Variants in PDE1C observed in about 807,000 individuals in gnomAD.
The protein encoded by PDE1C is dual specificity calcium/calmodulin-dependent 3',5'-cyclic nucleotide phosphodiesterase 1C.
A neutral mutation model predicts 93.1 loss-of-function variants in PDE1C; 62 were observed. The ratio of observed to expected loss-of-function variants is 0.67; its 90% CI spans 0.54 to 0.82. PDE1C has a LOEUF of 0.82. Among genes scored for constraint, PDE1C ranks in the 40% least tolerant of loss-of-function variants. The pLI is 0.00. For missense variants in PDE1C, 742 were observed against 884.6 expected (o/e 0.84, Z 2.04); for synonymous variants, 325 against 310.1 (o/e 1.05, Z -0.50).
At chr7:32,387,669 G>T (rs1253331418) in intron 1 of PDE1C, among the ~76,000 whole-genome samples, 1 of 131,962 alleles carries the variant, frequency 7.6e-6, no homozygotes, top group African/African-American at 2.9e-5. Flanking sequence ...GCGGCTGGCC[G>T]GGCGGGGGGC....
chr7:32,203,377 C>T (rs79471396), intron 2 of PDE1C, among the ~76,000 whole-genome samples: 7,738 of 152,208 alleles, frequency 0.051, 264 homozygotes, highest in Middle Eastern at 0.085. Context: ...GGGCTCCATA[C>T]ATGGCATCAC....
the PDE1C span, among the ~76,000 whole-genome samples, chr7:31,743,360 G>A: frequency 2.0e-5 from 3 of 152,128 alleles, no homozygotes; most frequent in East Asian, 1.9e-4. Context: ...CTTTGCTCCC[G>A]CTCTTCCCCC....
chr7:32,186,648 GTAAT>G (rs933670717), intron 2 of PDE1C, among the ~76,000 whole-genome samples: 3 of 151,824 alleles, frequency 2.0e-5, no homozygotes, highest in African/African-American at 7.2e-5. Flanking sequence ...TACATAATAT[GTAAT>G]TAATTAATGT....
Position 32,403,466 on chromosome 7 carries a change from G to A in PDE1C, c.310+24356C>T, listed in dbSNP as rs115560652. On this transcript the variant is annotated intron_variant, in intron 1 of 1. Coordinates refer to the PDE1C transcript ENST00000672256. ...ACATTGGATCCTGGGCAGTGAGAGC[G>A]GGCAGGGTGTATGTTAAGGCTTGAA... Among the ~76,000 whole-genome samples, 329 of 152,200 alleles carry A rather than the reference G, an allele frequency of 2.2e-3. 2 individuals carry two copies. The highest frequency in any genetic ancestry group is 7.3e-3 in the African/African-American group (303 of 41,504).
upstream of PDE1C, among the ~76,000 whole-genome samples, chr7:32,302,650 A>G (rs1454869334): frequency 6.6e-6 from 1 of 152,252 alleles, no homozygotes; most frequent in South Asian, 2.1e-4. Flanking sequence ...AAAGGATATT[A>G]ATGGCAAGTT....
At chr7:32,403,572 G>A (rs1784993093) in intron 1 of PDE1C, among the ~76,000 whole-genome samples, 1 of 152,206 alleles carries the variant, frequency 6.6e-6, no homozygotes. Context: ...GAGACCTGCG[G>A]TGTGGAAGCA....
chr7:32,013,983 C>A (rs1001076677), intron 2 of PDE1C, among the ~76,000 whole-genome samples: 1 of 152,206 alleles, frequency 6.6e-6, no homozygotes, highest in African/African-American at 2.4e-5. Context: ...AGCTCTTTTA[C>A]ATATGTGCTG....
intron 2 of PDE1C, among the ~76,000 whole-genome samples, chr7:32,045,583 G>A (rs1792437036): frequency 6.6e-6 from 1 of 152,138 alleles, no homozygotes; most frequent in Non-Finnish European, 1.5e-5. Flanking sequence ...CATTAAGTTT[G>A]CAAAAATGTA....
At chr7:31,639,726 C>G in the PDE1C span, among the ~76,000 whole-genome samples, 2 of 151,682 alleles carry the variant, frequency 1.3e-5, no homozygotes, top group South Asian at 2.1e-4. Flanking sequence ...TTAGTAGAGA[C>G]GGGGTTTCAC....
the PDE1C span, among the ~76,000 whole-genome samples, chr7:31,716,882 G>T: frequency 2.7e-4 from 41 of 152,278 alleles, no homozygotes; most frequent in South Asian, 3.5e-3. Flanking sequence ...AGAGACCCTC[G>T]CTGCAGAGCC....
intron 5 of PDE1C, among the ~76,000 whole-genome samples, chr7:31,876,597 A>C (rs570286170): frequency 6.6e-6 from 1 of 152,316 alleles, no homozygotes; most frequent in East Asian, 1.9e-4. Context: ...TAATGTTTCT[A>C]AGAGTTTGAT....
At chr7:31,713,075 A>G in the PDE1C span, among the ~76,000 whole-genome samples, 6 of 152,226 alleles carry the variant, frequency 3.9e-5, no homozygotes, top group Non-Finnish European at 8.8e-5. Context: ...GTCTTAGCTC[A>G]TTTCTGCATT....
chr7:32,403,316 T>A (rs1357550158), intron 1 of PDE1C, among the ~76,000 whole-genome samples: 2 of 152,192 alleles, frequency 1.3e-5, no homozygotes, highest in Non-Finnish European at 2.9e-5. Context: ...CATCATTTAT[T>A]TCCCCCTCTC....
chr7:32,392,094 A>G (rs1185336101), intron 1 of PDE1C, among the ~76,000 whole-genome samples: 2 of 152,140 alleles, frequency 1.3e-5, no homozygotes, highest in Non-Finnish European at 2.9e-5. Flanking sequence ...AACTATACAA[A>G]AAAAAGAAGA....
intron 2 of PDE1C, among the ~76,000 whole-genome samples, chr7:31,889,302 C>T (rs1037810235): frequency 2.0e-5 from 3 of 152,222 alleles, no homozygotes; most frequent in Non-Finnish European, 4.4e-5. Context: ...CTCTTCCTTT[C>T]AACATCCAGC....
At chr7:31,666,112 C>T in the PDE1C span, among the ~76,000 whole-genome samples, 1 of 152,200 alleles carries the variant, frequency 6.6e-6, no homozygotes, top group South Asian at 2.1e-4. Context: ...AGTACACTTG[C>T]TTGACTTGCT....
chr7:31,785,012 A>G (rs2128645268), intron 16 of PDE1C: 1 of 152,342 alleles, frequency 6.6e-6, no homozygotes, highest in Middle Eastern at 3.4e-3. Context: ...AGCAAAGACT[A>G]TACAATGATG....
In PDE1C at chr7:32,345,474, A is replaced by T. The variant is rs866852598; in HGVS notation, c.310+82348T>A. 5.9e-5 allele frequency among the ~76,000 whole-genome samples: 9 copies of T among 152,242 alleles called. No homozygotes were observed. The South Asian group carries it at 8.3e-4, about 14-fold the overall frequency. ...AGAATCAGATGACACCAAAAGCATG[A>T]ACCATAAGAGAAAAAGAATTTATAA... is the stretch of plus-strand genomic sequence containing the variant. On this transcript the variant is annotated intron_variant, in intron 1 of 1. Coordinates refer to the PDE1C transcript ENST00000672256.
intron 1 of PDE1C, among the ~76,000 whole-genome samples, chr7:32,232,818 G>A (rs1239590539): frequency 2.6e-5 from 4 of 152,096 alleles, no homozygotes; most frequent in African/African-American, 9.7e-5. Context: ...GCACAGAAAG[G>A]GCTTTGAAAA....
Sources: gnomAD v4.1 joint callset for allele counts (sites outside exome capture counted in the v4.1 genomes callset) on GRCh38, gnomAD v4.1.1 for gene constraint, MANE v1.5 for transcripts, NCBI Gene and HGNC (gene_info 2026-07-23, HGNC 2026-07-21) for gene names.